XRCC6: variants seen among roughly 807,000 people sequenced by gnomAD.
XRCC6 encodes the protein DNA repair protein Ku70.
Under a neutral mutation model 65.7 loss-of-function variants are expected in XRCC6, and 5 were observed. The observed-to-expected ratio is 0.08, with a 90% confidence interval of 0.04 to 0.16. The LOEUF (loss-of-function observed/expected upper bound fraction) is 0.16, where lower values mean the gene tolerates loss of function less well. XRCC6 is among the 10% of genes least tolerant of loss of function. XRCC6 has a pLI of 1.00. For synonymous variants in XRCC6, 270 were observed against 270.6 expected (o/e 1.00, Z 0.02); for missense variants, 447 against 738.1 (o/e 0.61, Z 4.57).
intron 11 of XRCC6, among the ~76,000 whole-genome samples, chr22:41,658,845 C>T (rs548300238): frequency 1.3e-4 from 20 of 152,232 alleles, no homozygotes; most frequent in African/African-American, 4.3e-4. Context: ...GCAGGAAGAT[C>T]GGTTGAACTC....
chr22:41,648,987 A>G (rs1469707874), intron 7 of XRCC6, among the ~76,000 whole-genome samples: 1 of 69,960 alleles, frequency 1.4e-5, no homozygotes, highest in South Asian at 3.8e-4. Context: ...ATGGTGGCTC[A>G]TGCACTTTTG....
rs1015549207 is a variant in XRCC6 at position 41,636,872 on chromosome 22, C to T, written c.589+102C>T. 3.5e-6 allele frequency: 5 copies of T among 1,430,172 alleles called. No homozygotes were observed. The African/African-American group carries it at 7.2e-5, about 21-fold the overall frequency. The allele number at this position is 1,430,172 out of a possible 1,614,324, so 88.6% of individuals were successfully genotyped here. On this transcript the variant is annotated intron_variant, in intron 5 of 12. Coordinates refer to ENST00000360079, the MANE Select transcript of XRCC6 (RefSeq NM_001469.5). ...GAGTCTTGGCTCAGCCTCAGCCTCC[C>T]AAGTAGCTGGGACTATAAGCATGTG...
At chr22:41,662,198 A>G (rs894302763) in intron 12 of XRCC6, among the ~76,000 whole-genome samples, 15 of 152,220 alleles carry the variant, frequency 9.9e-5, no homozygotes, top group Non-Finnish European at 2.2e-4. Context: ...TACATTTAAA[A>G]ATAACTAAAG....
intron 2 of XRCC6, among the ~76,000 whole-genome samples, chr22:41,623,992 G>A (rs1473631141): frequency 6.6e-6 from 1 of 152,154 alleles, no homozygotes; most frequent in East Asian, 1.9e-4. Flanking sequence ...CAAAGTGCTG[G>A]AATTACAGGT....
chr22:41,649,937 C>T (rs571537681), intron 7 of XRCC6, among the ~76,000 whole-genome samples: 11 of 152,104 alleles, frequency 7.2e-5, no homozygotes, highest in African/African-American at 2.6e-4. Context: ...GAGGCTGATG[C>T]AGGAGAATCA....
At chr22:41,622,368 C>T (rs1023126711) in intron 2 of XRCC6, among the ~76,000 whole-genome samples, 1 of 152,246 alleles carries the variant, frequency 6.6e-6, no homozygotes, top group African/African-American at 2.4e-5. Context: ...TTAAGTGGTT[C>T]AGGTGAGACC....
In XRCC6 at chr22:41,659,046, G is replaced by A. The variant is rs118067459; in HGVS notation, c.1522+694G>A. ...CGTAGTGGCTTACGTCTGCCTCCTAGGTTCAAGCTATTCTCGTGTCTCAGA... is the reference window on the plus strand; with the variant it reads ...CGTAGTGGCTTACGTCTGCCTCCTAAGTTCAAGCTATTCTCGTGTCTCAGA... On this transcript the variant is annotated intron_variant, in intron 11 of 12. Coordinates refer to ENST00000360079, the MANE Select transcript of XRCC6 (RefSeq NM_001469.5). Among the ~76,000 whole-genome samples the A allele has an allele frequency of 2.9e-3, 446 of 152,298 alleles. 1 individual carries two copies. Among genetic ancestry groups the A allele is most frequent in the Admixed American group, 5.3e-3 (81 of 15,280 alleles).
intron 3 of XRCC6, among the ~76,000 whole-genome samples, chr22:41,630,845 G>A (rs1422028956): frequency 6.6e-6 from 1 of 152,194 alleles, no homozygotes; most frequent in Admixed American, 6.5e-5. Flanking sequence ...AAAATGAAAA[G>A]TCTCCCATGT....
At chr22:41,657,862 C>T (rs1339048861) in intron 10 of XRCC6, among the ~76,000 whole-genome samples, 6 of 152,088 alleles carry the variant, frequency 3.9e-5, no homozygotes, top group Non-Finnish European at 7.4e-5. Flanking sequence ...CTTGCTCTGC[C>T]ATCCAGGCTG....
chr22:41,648,681 A>G (rs1251822984), intron 7 of XRCC6, among the ~76,000 whole-genome samples: 1 of 152,192 alleles, frequency 6.6e-6, no homozygotes, highest in Non-Finnish European at 1.5e-5. Flanking sequence ...GAGATTTTAC[A>G]TAAGTTTAGG....
intron 8 of XRCC6, among the ~76,000 whole-genome samples, chr22:41,651,361 A>ATTTTTTTTTTTTTTT (rs764795746): frequency 1.4e-4 from 7 of 49,758 alleles, no homozygotes; most frequent in African/African-American, 3.7e-4. Flanking sequence ...AGTTAAACAG[A>ATTTTTTTTTTTTTTT]TTTTTTTTTT....
At chr22:41,623,700 G>A (rs913534228) in intron 2 of XRCC6, among the ~76,000 whole-genome samples, 7 of 148,128 alleles carry the variant, frequency 4.7e-5, no homozygotes, top group African/African-American at 1.7e-4. Flanking sequence ...CTGATTTCTT[G>A]TATTGTAACG....
At chr22:41,650,937 G>GT (rs1229972247) in intron 8 of XRCC6, 46 bp downstream of exon 8, 1 of 1,607,598 alleles carries the variant, frequency 6.2e-7, no homozygotes, top group Admixed American at 1.7e-5. Flanking sequence ...ACACAGTGCA[G>GT]TTTACGGAGC....
intron 8 of XRCC6, among the ~76,000 whole-genome samples, chr22:41,652,679 C>CTGTT (rs1030753936): frequency 8.8e-6 from 1 of 114,282 alleles, no homozygotes; most frequent in Admixed American, 8.2e-5. Flanking sequence ...AATTCACTTT[C>CTGTT]TGTTTGTTTG....
At chr22:41,663,470 T>C (rs761432294) in intron 12 of XRCC6, 152 bp from the exon 13 acceptor site, 9 of 811,884 alleles carry the variant, frequency 1.1e-5, no homozygotes, top group Non-Finnish European at 1.8e-5. Flanking sequence ...AGCTACCTTA[T>C]CGAGATAAGT....
intron 9 of XRCC6, among the ~76,000 whole-genome samples, chr22:41,655,579 G>A (rs897426403): frequency 6.6e-6 from 1 of 151,994 alleles, no homozygotes; most frequent in African/African-American, 2.4e-5. Context: ...GCAGGCTCCT[G>A]TAGTCCCAGC....
intron 7 of XRCC6, chr22:41,648,249 G>A (rs913989280): frequency 6.6e-6 from 1 of 151,918 alleles, no homozygotes; most frequent in African/African-American, 2.4e-5. Flanking sequence ...TGGGACTGTG[G>A]TATCTGGATC....
chr22:41,655,741 A>G (rs967351184), intron 9 of XRCC6, among the ~76,000 whole-genome samples: 3 of 150,584 alleles, frequency 2.0e-5, no homozygotes, highest in Non-Finnish European at 4.4e-5. Flanking sequence ...CTTTTTTTAC[A>G]TAAATTGAGA....
intron 3 of XRCC6, among the ~76,000 whole-genome samples, chr22:41,631,081 CG>C (rs1569081799): frequency 7.5e-5 from 11 of 145,756 alleles, no homozygotes; most frequent in African/African-American, 2.8e-4. Context: ...GGCTGCTGGC[CG>C]GGTGGGGGGA....
Sources: allele counts gnomAD v4.1 joint callset (sites outside exome capture counted in the v4.1 genomes callset), GRCh38; gene constraint gnomAD v4.1.1; transcripts MANE v1.5; gene names NCBI Gene and HGNC (gene_info 2026-07-23, HGNC 2026-07-21).